The following SLC44A1 variants were observed in gnomAD, a reference collection of about 807,000 sequenced individuals.
SLC44A1 encodes solute carrier family 44 member 1.
SLC44A1 carries 26 observed loss-of-function variants against 79.3 expected under a neutral mutation model. The observed-to-expected ratio is 0.33, with a 90% CI of 0.24 to 0.46. The LOEUF is 0.46. Among genes scored for constraint, SLC44A1 ranks in the 20% least tolerant of loss-of-function variants. The probability of loss-of-function intolerance (pLI) is 1.00; values close to 1 mark genes in which losing one functional copy is unlikely to be tolerated. For missense variants in SLC44A1, 688 were observed against 798.1 expected (o/e 0.86, Z 1.66); for synonymous variants, 263 against 286.2 (o/e 0.92, Z 0.82).
rs992749558 is a variant in SLC44A1, at chr9:105,395,616, A to T, written c.*6560A>T. The T allele has an allele frequency of 1.6e-5, 16 of 985,218 alleles. No individual in the cohort carries two copies. The African/African-American group carries it at 2.4e-4, about 15-fold the overall frequency. 61.0% of individuals were successfully genotyped at this position (985,218 alleles called of 1,614,324 possible). ...AAAAGGGCGTAAGTCCAGTCTAAGT[A>T]TCTAAATGTGATATGCCCTTTTGTC... On this transcript the variant is annotated 3_prime_UTR_variant, in exon 16 of 16. Transcript: ENST00000374720.
At chr9:105,366,286 C>A (rs1827938115) in intron 11 of SLC44A1, 60 bp from the exon 12 acceptor site, 2 of 852,532 alleles carry the variant, frequency 2.3e-6, no homozygotes, top group Non-Finnish European at 1.8e-6. Context: ...CGTTTGAAGT[C>A]TTCTATGTGA....
intron 15 of SLC44A1, among the ~76,000 whole-genome samples, chr9:105,420,662 G>T (rs1237120665): frequency 6.6e-6 from 1 of 151,956 alleles, no homozygotes; most frequent in Non-Finnish European, 1.5e-5. Flanking sequence ...GGGAGTTCAA[G>T]ACCAGCCTGA....
intron 1 of SLC44A1, among the ~76,000 whole-genome samples, chr9:105,266,371 AG>A (rs1324159603): frequency 6.6e-6 from 1 of 152,216 alleles, no homozygotes; most frequent in Non-Finnish European, 1.5e-5. Context: ...TATCATAGCT[AG>A]GAACACTGCC....
At chr9:105,375,861 C>T (rs1828263346) in intron 13 of SLC44A1, among the ~76,000 whole-genome samples, 1 of 152,052 alleles carries the variant, frequency 6.6e-6, no homozygotes, top group Non-Finnish European at 1.5e-5. Flanking sequence ...ATACTACCAC[C>T]ACTATAACTA....
chr9:105,374,896 A>G (rs1828228721), intron 13 of SLC44A1, among the ~76,000 whole-genome samples, 161 bp downstream of exon 13: 1 of 152,246 alleles, frequency 6.6e-6, no homozygotes, highest in Non-Finnish European at 1.5e-5. Context: ...TAAGTACTTG[A>G]CATATATTGT....
chr9:105,328,388 T>G (rs900431069), intron 3 of SLC44A1, among the ~76,000 whole-genome samples: 1 of 152,142 alleles, frequency 6.6e-6, no homozygotes, highest in Non-Finnish European at 1.5e-5. Context: ...AAGATGTCTT[T>G]TGAGTGAAGA....
At chr9:105,273,527 T>G (rs564812896) in intron 1 of SLC44A1, among the ~76,000 whole-genome samples, 1 of 152,322 alleles carries the variant, frequency 6.6e-6, no homozygotes, top group African/African-American at 2.4e-5. Context: ...TTTGAAAAAT[T>G]CACATGTAAA....
At chr9:105,249,629 A>T (rs1829534054) in intron 1 of SLC44A1, among the ~76,000 whole-genome samples, 1 of 150,194 alleles carries the variant, frequency 6.7e-6, no homozygotes, top group African/African-American at 2.5e-5. Flanking sequence ...GGTTCAAGTG[A>T]TTCTACTGCC....
chr9:105,351,445 A>G (rs1827401628), intron 5 of SLC44A1, among the ~76,000 whole-genome samples: 1 of 151,836 alleles, frequency 6.6e-6, no homozygotes, highest in East Asian at 1.9e-4. Flanking sequence ...GAGACATGAG[A>G]ATCGCTTGAA....
chr9:105,336,694 G>A (rs944798928), intron 4 of SLC44A1, among the ~76,000 whole-genome samples: 2 of 152,178 alleles, frequency 1.3e-5, no homozygotes, highest in Admixed American at 6.5e-5. Flanking sequence ...TGGAACCATA[G>A]CTCTACACAC....
At position 105,298,495 on chromosome 9, in the gene SLC44A1, G is replaced by A. The variant is rs561497935; in HGVS notation, c.37-725G>A. ...AGCCTCCCGAGTAGCTGGAATTACA[G>A]CCCACCACCACGCCCAGCTAATGTT... On this transcript the variant is annotated intron_variant, in intron 1 of 15. Transcript: ENST00000374720. Among the ~76,000 whole-genome samples, 3 of 152,162 alleles carry A rather than the reference G, an allele frequency of 2.0e-5. No homozygotes were observed. The East Asian group carries it at 5.8e-4, about 29-fold the overall frequency.
chr9:105,393,754 G>A lies in SLC44A1; in HGVS notation c.*4698G>A. ...GAATGTGTTCTAAGGAAATTCGTTAGTAAATTTGTGAAAAACATGTGAGAT... is the reference window on the plus strand; with the variant it reads ...GAATGTGTTCTAAGGAAATTCGTTAATAAATTTGTGAAAAACATGTGAGAT... On this transcript the variant is annotated 3_prime_UTR_variant, in exon 16 of 16. Coordinates refer to ENST00000374720, the MANE Select transcript of SLC44A1 (RefSeq NM_080546.5). 1 of 985,330 alleles carries A rather than the reference G, an allele frequency of 1.0e-6. No individual in the cohort carries two copies. Among genetic ancestry groups the A allele is most frequent in the South Asian group, 4.7e-5 (1 of 21,286 alleles). 61.0% of individuals were successfully genotyped at this position (985,330 alleles called of 1,614,324 possible). A position where few individuals can be genotyped will look rare whatever the true frequency, so the allele number is the denominator to read the frequency against.
intron 5 of SLC44A1, 62 bp downstream of exon 5, chr9:105,348,513 A>G (rs879625998): frequency 6.0e-6 from 6 of 997,662 alleles, no homozygotes; most frequent in Non-Finnish European, 9.7e-6. Flanking sequence ...ATTTTAAACA[A>G]TATATGTTAT....
chr9:105,274,864 T>C (rs1396190753), intron 1 of SLC44A1, among the ~76,000 whole-genome samples: 1 of 152,218 alleles, frequency 6.6e-6, no homozygotes. Context: ...TTCTTTTTAG[T>C]AGAGCCAGGA....
chr9:105,316,730 A>G (rs1281921383), intron 3 of SLC44A1, among the ~76,000 whole-genome samples: 5 of 152,230 alleles, frequency 3.3e-5, no homozygotes, highest in Non-Finnish European at 7.3e-5. Flanking sequence ...GAGTGACTCC[A>G]CTTTCCTGAG....
intron 1 of SLC44A1, among the ~76,000 whole-genome samples, chr9:105,271,120 C>A (rs1830066972): frequency 6.6e-6 from 1 of 152,162 alleles, no homozygotes. Flanking sequence ...GCTTTAAGTC[C>A]TTCTGTTTTA....
At chr9:105,325,199 C>T (rs1482570209) in intron 3 of SLC44A1, among the ~76,000 whole-genome samples, 1 of 152,170 alleles carries the variant, frequency 6.6e-6, no homozygotes, top group Non-Finnish European at 1.5e-5. Flanking sequence ...CTTATATATG[C>T]CATGGCATGG....
chr9:105,384,133 G>A (rs1013642186), intron 14 of SLC44A1, among the ~76,000 whole-genome samples: 5 of 152,076 alleles, frequency 3.3e-5, no homozygotes, highest in African/African-American at 1.2e-4. Context: ...TTTTCCAGGA[G>A]CATATTTTAT....
chr9:105,331,036 T>G (rs1348694183), intron 3 of SLC44A1, among the ~76,000 whole-genome samples: 1 of 152,256 alleles, frequency 6.6e-6, no homozygotes, highest in Non-Finnish European at 1.5e-5. Context: ...TTATAGAGTA[T>G]TTTTCTGTTA....
Sources: allele counts gnomAD v4.1 joint callset (sites outside exome capture counted in the v4.1 genomes callset), GRCh38; gene constraint gnomAD v4.1.1; transcripts MANE v1.5; gene names NCBI Gene and HGNC (gene_info 2026-07-23, HGNC 2026-07-21).